The following DNAJC27 variants were observed in gnomAD, a reference collection of about 807,000 sequenced individuals.
The protein encoded by DNAJC27 is dnaJ homolog subfamily C member 27.
In DNAJC27, 25 loss-of-function variants were observed where a neutral mutation model predicts 31.4. The observed-to-expected ratio is 0.80, with a 90% confidence interval of 0.58 to 1.11. The LOEUF (loss-of-function observed/expected upper bound fraction) is 1.11, where lower values mean the gene tolerates loss of function less well. Ranked by LOEUF, DNAJC27 falls within the 50% of genes most tolerant of loss-of-function variation. The pLI, the probability that DNAJC27 is intolerant of heterozygous loss-of-function variation, is 0.00. For missense variants in DNAJC27, 356 were observed against 347.3 expected (o/e 1.02, Z -0.20); for synonymous variants, 106 against 112.7 (o/e 0.94, Z 0.37).
In DNAJC27 at chr2:24,951,557, A is replaced by T. The variant is rs1325279031; in HGVS notation, c.529-3T>A. 1 of 1,606,660 alleles carries T rather than the reference A, an allele frequency of 6.2e-7. No individual in the cohort carries two copies. Among genetic ancestry groups the T allele is most frequent in the Admixed American group, 1.7e-5 (1 of 59,108 alleles). On this transcript the variant is annotated splice_polypyrimidine_tract_variant and splice_region_variant and intron_variant, in intron 5 of 6. Transcript: ENST00000264711. ...TCAACTATGGATATATAAAAGGTCT[A>T]CAAGAAGAAAACATAACCCAGGGTA...
intron 2 of DNAJC27, 120 bp from the exon 3 acceptor site, chr2:24,963,594 C>A (rs1239334873): frequency 1.5e-6 from 1 of 689,496 alleles, no homozygotes; most frequent in Non-Finnish European, 2.4e-6. Flanking sequence ...CTTAGTGCCT[C>A]TTCCTCATTC....
intron 5 of DNAJC27, among the ~76,000 whole-genome samples, chr2:24,955,624 T>C (rs1188589815): frequency 6.6e-6 from 1 of 152,154 alleles, no homozygotes; most frequent in Non-Finnish European, 1.5e-5. Context: ...TCTTGGCACA[T>C]CATATTCTAA....
At chr2:24,972,030 A>G, upstream of DNAJC27, 3 of 686,678 alleles carry the variant, frequency 4.4e-6, no homozygotes, top group South Asian at 2.4e-5. Flanking sequence ...GCTGCTCGCC[A>G]TCCCCGCCGC....
chr2:24,968,284 T>TA (rs1275239118), intron 1 of DNAJC27, among the ~76,000 whole-genome samples: 1 of 152,196 alleles, frequency 6.6e-6, no homozygotes, highest in Non-Finnish European at 1.5e-5. Flanking sequence ...GCTTGCTAGT[T>TA]ACTTTGTCAT....
intron 3 of DNAJC27, 123 bp downstream of exon 3, chr2:24,963,282 G>T (rs1278197072): frequency 9.3e-6 from 6 of 647,374 alleles, no homozygotes; most frequent in Non-Finnish European, 1.5e-5. Flanking sequence ...GGCAAGCCAC[G>T]ATCAAGCTAA....
At chr2:24,971,738 G>C (rs1467997966) in intron 1 of DNAJC27, 80 bp downstream of exon 1, 2 of 1,316,296 alleles carry the variant, frequency 1.5e-6, no homozygotes, top group African/African-American at 3.0e-5. Context: ...GCCCCAGGCT[G>C]TTGAGTGGCC....
Position 24,951,508 on chromosome 2 carries a change from C to T in DNAJC27, c.575G>A (p.Arg192His), listed in dbSNP as rs937247011. ...ACTAGCACTGCTATTGGTGGTAGGG[C>T]GTTTCCCGCCATTTTCACATAAATC... ...IVDLCENGGK[R>H]PTTNSSASFT... The change falls in exon 6 of 7, where the codon CGC (arginine) becomes CAC (histidine). Residue 192 changes from arginine (R) to histidine (H), a missense_variant. Transcript: ENST00000264711. 21 of 1,612,952 alleles carry T rather than the reference C, an allele frequency of 1.3e-5. No homozygotes were observed. The highest frequency in any genetic ancestry group is 1.6e-4 in the Middle Eastern group (1 of 6,084).
chr2:24,967,273 G>T lies in DNAJC27; in HGVS notation c.108C>A (p.Tyr36Ter). 1 of 1,613,342 alleles carries T rather than the reference G, an allele frequency of 6.2e-7. No homozygotes were observed. The highest frequency in any genetic ancestry group is 8.5e-7 in the Non-Finnish European group (1 of 1,179,400). The stretch of plus-strand genomic sequence containing the variant: ...ATTTAGACACGAATCTTTTCTCACA[G>T]TATCGCTTTATAATACAGCTCTAAA... ...EVGKSCIIKR[Y>*]CEKRFVSKYL... The change falls in exon 2 of 7, where the codon TAC becomes TAA. Residue 36 changes from tyrosine (Y) to a stop codon, truncating the protein, a stop_gained. Transcript: ENST00000264711. LOFTEE classifies it high-confidence loss of function.
intron 3 of DNAJC27, among the ~76,000 whole-genome samples, chr2:24,959,641 A>G (rs1390026394): frequency 6.6e-6 from 1 of 152,176 alleles, no homozygotes; most frequent in Admixed American, 6.5e-5. Flanking sequence ...GGAATCTCTC[A>G]TTCCCCAAAC....
At position 24,944,015 on chromosome 2, in the gene DNAJC27, A is replaced by G. The variant is rs1370201657; in HGVS notation, c.*3601T>C. On this transcript the variant is annotated 3_prime_UTR_variant, in exon 7 of 7. Transcript: ENST00000264711. ...AGTTTAATGGAAAAAAACGATGTAC[A>G]AACAGTAAAACTGTATCTTACAATT... 1 of 152,258 alleles carries G rather than the reference A, an allele frequency of 6.6e-6. No homozygotes were observed. The highest frequency in any genetic ancestry group is 1.5e-5 in the Non-Finnish European group (1 of 68,044). 9.4% of individuals were successfully genotyped at this position (152,258 alleles called of 1,614,324 possible). A position where few individuals can be genotyped will look rare whatever the true frequency, so the allele number is the denominator to read the frequency against.
At chr2:24,951,581 T>C in intron 5 of DNAJC27, 27 bp from the exon 6 acceptor site, 2 of 1,576,358 alleles carry the variant, frequency 1.3e-6, no homozygotes, top group Non-Finnish European at 1.7e-6. Flanking sequence ...TAACCCAGGG[T>C]AGAAATGATT....
intron 2 of DNAJC27, among the ~76,000 whole-genome samples, chr2:24,963,886 C>T (rs1666110898): frequency 1.3e-5 from 2 of 152,220 alleles, no homozygotes; most frequent in South Asian, 4.1e-4. Context: ...TTGGTTATCA[C>T]ACAGCAGAAT....
intron 1 of DNAJC27, 144 bp from the exon 2 acceptor site, chr2:24,967,437 A>T (rs1666217139): frequency 3.1e-6 from 2 of 648,530 alleles, no homozygotes. Flanking sequence ...GCGGTGGCTC[A>T]CGCCTGTCAT....
At position 24,943,833 on chromosome 2, in the gene DNAJC27, G is replaced by A. The variant is rs1665580431; in HGVS notation, c.*3783C>T. 1 of 152,562 alleles carries A rather than the reference G, an allele frequency of 6.6e-6. No homozygotes were observed. Among genetic ancestry groups the A allele is most frequent in the Non-Finnish European group, 1.5e-5 (1 of 68,024 alleles). 9.5% of individuals were successfully genotyped at this position (152,562 alleles called of 1,614,324 possible). On this transcript the variant is annotated 3_prime_UTR_variant, in exon 7 of 7. Transcript: ENST00000264711. ...CAGTTAAGGGGGAAGAACGCCCAGGGGCAATCAATGCAGGAAGCTAACCAA... is the reference window on the plus strand; with the variant it reads ...CAGTTAAGGGGGAAGAACGCCCAGGAGCAATCAATGCAGGAAGCTAACCAA...
chr2:24,967,144 T>A (rs908098750), intron 2 of DNAJC27, 67 bp downstream of exon 2: 4 of 1,244,048 alleles, frequency 3.2e-6, no homozygotes, highest in Non-Finnish European at 4.7e-6. Flanking sequence ...CTGATGCAAA[T>A]ATGGATCATT....
intron 6 of DNAJC27, among the ~76,000 whole-genome samples, chr2:24,949,022 A>T (rs961658783): frequency 6.6e-6 from 1 of 152,142 alleles, no homozygotes; most frequent in African/African-American, 2.4e-5. Context: ...CTGAGGTCAT[A>T]GGGTCATGTT....
intron 5 of DNAJC27, 63 bp from the exon 6 acceptor site, chr2:24,951,617 G>A: frequency 6.9e-7 from 1 of 1,455,492 alleles, no homozygotes; most frequent in Non-Finnish European, 9.4e-7. Context: ...TTCCTTTTAA[G>A]CATCAACTTA....
rs1009519116 is a variant in DNAJC27, at chr2:24,945,481, C to T, written c.*2135G>A. Reference sequence around the variant, plus strand: ...AGTGATGAAAACTGGCACCAGCTTTCATAGAGGGCCACACATTCAGAGTTG... The same window carrying T: ...AGTGATGAAAACTGGCACCAGCTTTTATAGAGGGCCACACATTCAGAGTTG... On this transcript the variant is annotated 3_prime_UTR_variant, in exon 7 of 7. Coordinates refer to ENST00000264711, the MANE Select transcript of DNAJC27 (RefSeq NM_016544.3). 2 of 152,194 alleles carry T rather than the reference C, an allele frequency of 1.3e-5. No homozygotes were observed. Among genetic ancestry groups the T allele is most frequent in the African/African-American group, 4.8e-5 (2 of 41,438 alleles). The allele number at this position is 152,194 out of a possible 1,614,324, so 9.4% of individuals were successfully genotyped here. A position where few individuals can be genotyped will look rare whatever the true frequency, so the allele number is the denominator to read the frequency against.
upstream of DNAJC27, chr2:24,972,028 C>T: frequency 1.4e-6 from 1 of 692,014 alleles, no homozygotes; most frequent in Non-Finnish European, 2.2e-6. Flanking sequence ...CCGCTGCTCG[C>T]CATCCCCGCC....
Sources: allele counts gnomAD v4.1 joint callset (sites outside exome capture counted in the v4.1 genomes callset), GRCh38; gene constraint gnomAD v4.1.1; transcripts MANE v1.5; gene names NCBI Gene and HGNC (gene_info 2026-07-23, HGNC 2026-07-21).